TXLNB: variants seen among roughly 807,000 people sequenced by gnomAD.
TXLNB encodes beta-taxilin.
Under a neutral mutation model 57.4 loss-of-function variants are expected in TXLNB, and 37 were observed. The observed-to-expected ratio is 0.64, with a 90% CI of 0.50 to 0.85. The LOEUF is 0.85. TXLNB is among the 40% of genes least tolerant of loss of function. The pLI is 0.00. For missense variants in TXLNB, 848 were observed against 825.6 expected, an observed-to-expected ratio of 1.03 and a Z score of -0.33; for synonymous variants, 302 against 309.6, an observed-to-expected ratio of 0.98 and a Z score of 0.26.
At chr6:139,237,587 C>T (rs1389777872), downstream of TXLNB, 1 of 149,718 alleles carries the variant, frequency 6.7e-6, no homozygotes, top group Non-Finnish European at 1.5e-5. Context: ...AACATATATA[C>T]ATATGTAACA....
Position 139,288,489 on chromosome 6 carries a change from G to A in TXLNB, c.411C>T (p.Ile137=). The stretch of plus-strand genomic sequence containing the variant: ...ATAACTACTTGCCTAATCCTTTTAG[G>A]ATTTTCTTTTCCAATTTTTGCTCCT... ...SNKEQKLEKK[I]LKGLGKEANL... is the part of the protein sequence containing the mutation. Residue 137 remains isoleucine (I), a synonymous_variant, in exon 2 of 10, where the codon ATC becomes ATT. Coordinates refer to ENST00000358430, the MANE Select transcript of TXLNB (RefSeq NM_153235.4). The A allele has an allele frequency of 1.2e-6, 2 of 1,613,982 alleles. No homozygotes were observed. Among genetic ancestry groups the A allele is most frequent in the Non-Finnish European group, 1.7e-6 (2 of 1,179,970 alleles).
At chr6:139,239,205 A>G (rs1775871062), downstream of TXLNB, 1 of 152,354 alleles carries the variant, frequency 6.6e-6, no homozygotes, top group Non-Finnish European at 1.5e-5. This position sits in a 1 kb window ranked among gnomAD's most constrained non-coding sequence, Gnocchi z 4.7. Flanking sequence ...AACGCAGAGC[A>G]GCTGGGCCTC....
Position 139,247,870 on chromosome 6 carries a change from T to G in TXLNB, c.1117A>C (p.Thr373Pro). The change falls in exon 8 of 10, where the codon ACA becomes CCA. Residue 373 changes from threonine (T) to proline (P), a missense_variant. By Grantham distance (38) the Thr-to-Pro change is conservative (BLOSUM62 -1). Transcript: ENST00000358430. ...AACACCTCGTTGCTTTTAGTTAGTG[T>G]GCTCTGGAATTCTTCAAACCTTCCT... ...YSGRFEEFQSTLTKSNEVFAT... is the reference protein window; with the variant it reads ...YSGRFEEFQSPLTKSNEVFAT... 6.2e-7 allele frequency: 1 copy of G among 1,608,696 alleles called. No individual in the cohort carries two copies. Among genetic ancestry groups the G allele is most frequent in the East Asian group, 2.2e-5 (1 of 44,470 alleles).
At chr6:139,276,758 T>C in intron 3 of TXLNB, 72 bp downstream of exon 3, 1 of 1,152,728 alleles carries the variant, frequency 8.7e-7, no homozygotes, top group South Asian at 1.3e-5. Context: ...GGCAGGTGTT[T>C]GTTGTTCCTT....
At chr6:139,276,382 A>C in intron 3 of TXLNB, among the ~76,000 whole-genome samples, 1 of 152,246 alleles carries the variant, frequency 6.6e-6, no homozygotes, top group Non-Finnish European at 1.5e-5. Context: ...TTTTTAGTGT[A>C]TGGTAAGATT....
chr6:139,308,585 G>C, the TXLNB span, among the ~76,000 whole-genome samples: 5 of 152,160 alleles, frequency 3.3e-5, no homozygotes, highest in Non-Finnish European at 7.3e-5. Context: ...ACACTATTGT[G>C]TATGGACTAT....
At chr6:139,289,236 T>C (rs1464869173) in intron 1 of TXLNB, among the ~76,000 whole-genome samples, 1 of 152,210 alleles carries the variant, frequency 6.6e-6, no homozygotes, top group African/African-American at 2.4e-5. Flanking sequence ...ATGTTATCTA[T>C]AGATTACAGA....
Position 139,242,590 on chromosome 6 carries a change from A to G in TXLNB, c.1991T>C (p.Val664Ala), listed in dbSNP as rs1775962589. Residue 664 changes from valine (V) to alanine (A), a missense_variant, in exon 10 of 10, where the codon GTA becomes GCA. Physicochemically the swap from Val to Ala is moderately conservative, Grantham distance 64 (BLOSUM62 0). Transcript: ENST00000358430. ...CGGCTGGGGCCCAGCTGAGGCCCCTACTGGCAGCTCCTCTGCTGCTGCTCG... is the reference window on the plus strand; with the variant it reads ...CGGCTGGGGCCCAGCTGAGGCCCCTGCTGGCAGCTCCTCTGCTGCTGCTCG... ...PPRAAAEELP[V>A]GASAGPQPRN... 1.9e-6 allele frequency: 3 copies of G among 1,544,516 alleles called. No homozygotes were observed. Among genetic ancestry groups the G allele is most frequent in the South Asian group, 2.5e-5 (2 of 80,226 alleles).
the TXLNB span, among the ~76,000 whole-genome samples, chr6:139,181,327 A>G: frequency 6.6e-6 from 1 of 152,240 alleles, no homozygotes; most frequent in Non-Finnish European, 1.5e-5. Context: ...GTCACCCTAA[A>G]TGGAAAATTC....
the TXLNB span, among the ~76,000 whole-genome samples, chr6:139,211,524 T>C: frequency 6.6e-6 from 1 of 151,784 alleles, no homozygotes; most frequent in Non-Finnish European, 1.5e-5. Flanking sequence ...ACCACAAAGA[T>C]GGGGAAAAAA....
chr6:139,205,038 T>A, the TXLNB span, among the ~76,000 whole-genome samples: 1 of 152,134 alleles, frequency 6.6e-6, no homozygotes, highest in Non-Finnish European at 1.5e-5. Context: ...CCTGAGAGCT[T>A]AACACAAAGG....
chr6:139,306,976 C>T, the TXLNB span, among the ~76,000 whole-genome samples: 1 of 152,102 alleles, frequency 6.6e-6, no homozygotes, highest in Non-Finnish European at 1.5e-5. Flanking sequence ...TATTTTGAAC[C>T]TAAGGATTTC....
chr6:139,186,013 A>G, the TXLNB span, among the ~76,000 whole-genome samples: 1 of 152,192 alleles, frequency 6.6e-6, no homozygotes, highest in Non-Finnish European at 1.5e-5. Flanking sequence ...ATAATTACCT[A>G]CAATCAGCAA....
At chr6:139,173,946 A>G in the TXLNB span, among the ~76,000 whole-genome samples, 2 of 152,116 alleles carry the variant, frequency 1.3e-5, no homozygotes, top group African/African-American at 4.8e-5. Flanking sequence ...CAGACTTTTG[A>G]TTTTTATGAT....
rs773359717 is a variant in TXLNB at position 139,288,464 on chromosome 6, A to G, written c.424+12T>C. On this transcript the variant is annotated intron_variant, in intron 2 of 9. Coordinates refer to ENST00000358430, the MANE Select transcript of TXLNB (RefSeq NM_153235.4). Reference sequence around the variant, plus strand: ...ATACAGAAAAGTCACATATTTGAACATAACTACTTGCCTAATCCTTTTAGG... The same window carrying G: ...ATACAGAAAAGTCACATATTTGAACGTAACTACTTGCCTAATCCTTTTAGG... The G allele has an allele frequency of 3.7e-6, 6 of 1,611,136 alleles. No homozygotes were observed. The South Asian group carries it at 4.4e-5, about 12-fold the overall frequency.
chr6:139,245,985 G>T (rs1237243566), intron 8 of TXLNB, among the ~76,000 whole-genome samples: 1 of 152,152 alleles, frequency 6.6e-6, no homozygotes, highest in Non-Finnish European at 1.5e-5. Context: ...GAGCCACTGC[G>T]CCCAGCCAGT....
At chr6:139,163,100 G>T in the TXLNB span, among the ~76,000 whole-genome samples, 1 of 152,134 alleles carries the variant, frequency 6.6e-6, no homozygotes, top group South Asian at 2.1e-4. Context: ...ATTTTGGCTG[G>T]GACTTTTCAG....
At chr6:139,166,498 C>T in the TXLNB span, 1 of 1,614,184 alleles carries the variant, frequency 6.2e-7, no homozygotes, top group Non-Finnish European at 8.5e-7. Context: ...GCCGCCAGAA[C>T]ATGTGGACAA....
the TXLNB span, among the ~76,000 whole-genome samples, chr6:139,186,676 G>T: frequency 8.5e-5 from 13 of 152,266 alleles, no homozygotes; most frequent in East Asian, 2.5e-3. Context: ...ATGAATGTTT[G>T]TAGCAGCTTT....
Sources: allele counts gnomAD v4.1 joint callset (sites outside exome capture counted in the v4.1 genomes callset), GRCh38; gene constraint gnomAD v4.1.1; non-coding constraint Gnocchi (gnomAD v3.1); transcripts MANE v1.5; gene names NCBI Gene and HGNC (gene_info 2026-07-23, HGNC 2026-07-21).